Variants in HS3ST4 observed in about 807,000 individuals in gnomAD.
HS3ST4 encodes heparan sulfate-glucosamine 3-sulfotransferase 4.
HS3ST4 carries 17 observed loss-of-function variants against 29.2 expected under a neutral mutation model. The observed-to-expected ratio is 0.58, with a 90% confidence interval of 0.40 to 0.87. The LOEUF (loss-of-function observed/expected upper bound fraction) is 0.87. Ranked by LOEUF, HS3ST4 falls within the 40% of genes least tolerant of loss-of-function variation. HS3ST4 has a pLI of 0.00. For synonymous variants in HS3ST4, 314 were observed against 285.7 expected, an observed-to-expected ratio of 1.10 and a Z score of -1.00; for missense variants, 627 against 634.5, an observed-to-expected ratio of 0.99 and a Z score of 0.13.
chr16:26,124,311 C>G (rs890650560), intron 1 of HS3ST4, among the ~76,000 whole-genome samples: 1 of 146,160 alleles, frequency 6.8e-6, no homozygotes, highest in African/African-American at 2.5e-5. Context: ...AATTCATGAA[C>G]AAACGAAGAG....
intron 1 of HS3ST4, among the ~76,000 whole-genome samples, chr16:25,828,273 T>TCTCTCTCTCTCTCTCTCTC (rs1967248007): frequency 1.1e-5 from 1 of 91,738 alleles, no homozygotes; most frequent in African/African-American, 4.7e-5. Flanking sequence ...TCTTTCTTTC[T>TCTCTCTCTCTCTCTCTCTC]TTCTTTCTTT....
At chr16:25,960,207 C>G (rs12925680) in intron 1 of HS3ST4, among the ~76,000 whole-genome samples, 27,717 of 152,152 alleles carry the variant, frequency 0.18, 3,462 homozygotes, top group Non-Finnish European at 0.28. Flanking sequence ...ATACCTGCTC[C>G]CCCTTCTCCT....
intron 1 of HS3ST4, among the ~76,000 whole-genome samples, chr16:25,875,825 C>A (rs928388131): frequency 6.6e-6 from 1 of 152,056 alleles, no homozygotes; most frequent in Non-Finnish European, 1.5e-5. Flanking sequence ...AACCCAAGGA[C>A]CATGGGCTCC....
chr16:25,927,801 A>G (rs1021836932), intron 1 of HS3ST4, among the ~76,000 whole-genome samples: 1 of 152,048 alleles, frequency 6.6e-6, no homozygotes, highest in Non-Finnish European at 1.5e-5. Context: ...CAATTCAGAA[A>G]GTGGCTATTG....
intron 1 of HS3ST4, among the ~76,000 whole-genome samples, chr16:25,853,605 C>G (rs964256677): frequency 3.9e-5 from 6 of 152,080 alleles, no homozygotes; most frequent in African/African-American, 1.2e-4. Context: ...AAGTTTTTAT[C>G]ATGAAAGGAT....
intron 1 of HS3ST4, among the ~76,000 whole-genome samples, chr16:26,073,497 C>T (rs965033701): frequency 6.6e-6 from 1 of 152,124 alleles, no homozygotes; most frequent in East Asian, 1.9e-4. Context: ...ACCATAGCCT[C>T]CCAAGTAGCT....
chr16:26,085,034 C>T (rs1156462406), intron 1 of HS3ST4, among the ~76,000 whole-genome samples: 10 of 152,174 alleles, frequency 6.6e-5, no homozygotes, highest in South Asian at 2.1e-4. Flanking sequence ...AGTGGCTCCA[C>T]GGTGATGAGC....
intron 1 of HS3ST4, chr16:25,933,312 G>T (rs555244147): frequency 2.4e-5 from 12 of 495,548 alleles, no homozygotes; most frequent in African/African-American, 1.4e-4. Flanking sequence ...ATTAGAAAAG[G>T]TTAGTTTCTC....
At chr16:25,775,861 T>C (rs1966847127) in intron 1 of HS3ST4, among the ~76,000 whole-genome samples, 1 of 152,240 alleles carries the variant, frequency 6.6e-6, no homozygotes, top group African/African-American at 2.4e-5. Context: ...TCAAATTCCA[T>C]GATGGCACAG....
intron 1 of HS3ST4, among the ~76,000 whole-genome samples, chr16:25,827,981 CT>C (rs991550744): frequency 6.6e-6 from 1 of 150,816 alleles, no homozygotes; most frequent in African/African-American, 2.4e-5. Flanking sequence ...GAGGAGGTTT[CT>C]TTTTTTTTAA....
intron 1 of HS3ST4, among the ~76,000 whole-genome samples, chr16:25,894,568 C>T (rs900321262): frequency 1.9e-4 from 28 of 150,434 alleles, no homozygotes; most frequent in African/African-American, 5.1e-4. Flanking sequence ...TGCAATGGTG[C>T]GATCTCGGCT....
rs142345933 is a variant in HS3ST4 at position 25,974,221 on chromosome 16, A to G, written c.735-161391A>G. Among the ~76,000 whole-genome samples, 788 of 152,306 alleles carry G rather than the reference A, an allele frequency of 5.2e-3. 9 individuals are homozygous for G. The highest frequency in any genetic ancestry group is 0.018 in the African/African-American group (735 of 41,576). The stretch of plus-strand genomic sequence containing the variant: ...TTTATCTAATATGCTTTTATCAGCT[A>G]TCAAGCCATTTGTAACTCTTTTATC... On this transcript the variant is annotated intron_variant, in intron 1 of 1. Coordinates refer to ENST00000331351, the MANE Select transcript of HS3ST4 (RefSeq NM_006040.3).
chr16:26,069,548 TTA>T (rs777937321), intron 1 of HS3ST4, among the ~76,000 whole-genome samples: 3 of 150,512 alleles, frequency 2.0e-5, no homozygotes, highest in East Asian at 3.9e-4. Flanking sequence ...GTAAATTCTT[TTA>T]TATATATATA....
intron 1 of HS3ST4, among the ~76,000 whole-genome samples, chr16:25,702,140 A>G (rs1057357691): frequency 2.6e-5 from 4 of 152,200 alleles, no homozygotes; most frequent in East Asian, 1.9e-4. Flanking sequence ...AGATAATACA[A>G]TTAGAAAAAC....
intron 1 of HS3ST4, among the ~76,000 whole-genome samples, chr16:25,720,660 C>T (rs188034761): frequency 3.7e-4 from 57 of 152,244 alleles, no homozygotes; most frequent in African/African-American, 1.3e-3. Flanking sequence ...AATGCTTGCA[C>T]CAGTCACATC....
At chr16:25,779,290 G>A (rs940071835) in intron 1 of HS3ST4, among the ~76,000 whole-genome samples, 4 of 152,186 alleles carry the variant, frequency 2.6e-5, no homozygotes, top group Non-Finnish European at 4.4e-5. Context: ...GCTAAACAGC[G>A]AATGGAAGTC....
intron 1 of HS3ST4, among the ~76,000 whole-genome samples, chr16:26,099,087 C>T (rs1026920873): frequency 6.6e-6 from 1 of 152,168 alleles, no homozygotes; most frequent in African/African-American, 2.4e-5. Flanking sequence ...ATGCTTATTT[C>T]AGAGATCAGA....
At chr16:25,949,213 T>A (rs1596623341) in intron 1 of HS3ST4, among the ~76,000 whole-genome samples, 1 of 152,168 alleles carries the variant, frequency 6.6e-6, no homozygotes, top group African/African-American at 2.4e-5. Context: ...AGTTACAAAC[T>A]ATCCAGTTAC....
chr16:25,717,541 G>C (rs1966463711), intron 1 of HS3ST4, among the ~76,000 whole-genome samples: 1 of 150,002 alleles, frequency 6.7e-6, no homozygotes, highest in Admixed American at 6.6e-5. Context: ...GTGTGTGTGT[G>C]TGTGTGTGTG....
Sources: allele counts gnomAD v4.1 joint callset (sites outside exome capture counted in the v4.1 genomes callset), GRCh38; gene constraint gnomAD v4.1.1; transcripts MANE v1.5; gene names NCBI Gene and HGNC (gene_info 2026-07-23, HGNC 2026-07-21).